EXT1: variants seen among roughly 807,000 people sequenced by gnomAD.
The protein encoded by EXT1 is exostosin glycosyltransferase 1.
In EXT1, 20 loss-of-function variants were observed where a neutral mutation model predicts 82.5. The observed-to-expected ratio is 0.24, with a 90% confidence interval of 0.17 to 0.35. The LOEUF (loss-of-function observed/expected upper bound fraction) is 0.35, where lower values mean the gene tolerates loss of function less well. Ranked by LOEUF, EXT1 falls within the 10% of genes least tolerant of loss-of-function variation. The probability of loss-of-function intolerance (pLI) is 1.00; values close to 1 mark genes in which losing one functional copy is unlikely to be tolerated. For missense variants in EXT1, 757 were observed against 936.5 expected, an observed-to-expected ratio of 0.81 and a Z score of 2.50; for synonymous variants, 348 against 350.8, an observed-to-expected ratio of 0.99 and a Z score of 0.09.
At chr8:118,108,408 C>A (rs1817835898) in intron 1 of EXT1, among the ~76,000 whole-genome samples, 1 of 152,108 alleles carries the variant, frequency 6.6e-6, no homozygotes, top group African/African-American at 2.4e-5. Flanking sequence ...CAAAGAAATT[C>A]CTGAAAGGCT....
intron 3 of EXT1, among the ~76,000 whole-genome samples, chr8:117,832,255 G>A (rs975212018): frequency 2.6e-5 from 4 of 152,132 alleles, no homozygotes; most frequent in Non-Finnish European, 4.4e-5. Flanking sequence ...GGCCGGGCGC[G>A]GTGGCTCAGC....
chr8:118,027,903 A>G (rs1816232667), intron 1 of EXT1, among the ~76,000 whole-genome samples: 1 of 152,184 alleles, frequency 6.6e-6, no homozygotes, highest in South Asian at 2.1e-4. Flanking sequence ...GTTTACAGTT[A>G]TCAACAATAT....
intron 1 of EXT1, among the ~76,000 whole-genome samples, chr8:117,903,687 T>C (rs1358967988): frequency 6.6e-6 from 1 of 152,204 alleles, no homozygotes; most frequent in Non-Finnish European, 1.5e-5. Flanking sequence ...GAGAAATTAG[T>C]CCTACAACAA....
chr8:117,811,960 T>C lies in EXT1; in HGVS notation c.1722+912A>G, dbSNP rs536308661. 5.4e-4 allele frequency among the ~76,000 whole-genome samples: 83 copies of C among 152,318 alleles called. 1 individual carries two copies. The highest frequency in any genetic ancestry group is 1.7e-3 in the African/African-American group (71 of 41,568). On this transcript the variant is annotated intron_variant, in intron 8 of 10. Coordinates refer to ENST00000378204, the MANE Select transcript of EXT1 (RefSeq NM_000127.3). Reference sequence around the variant, plus strand: ...GACACTGAGTTCACCTAGGCCAACATTGAGTCTTGGCTCTGTGGGCAGCAG... The same window carrying C: ...GACACTGAGTTCACCTAGGCCAACACTGAGTCTTGGCTCTGTGGGCAGCAG...
chr8:117,876,089 C>T (rs1342241906), intron 1 of EXT1, among the ~76,000 whole-genome samples: 1 of 152,204 alleles, frequency 6.6e-6, no homozygotes, highest in Non-Finnish European at 1.5e-5. Context: ...AATATTCAGG[C>T]CTTGGCCTAG....
At chr8:118,092,664 C>T (rs563134864) in intron 1 of EXT1, among the ~76,000 whole-genome samples, 4 of 152,138 alleles carry the variant, frequency 2.6e-5, no homozygotes, top group Non-Finnish European at 4.4e-5. Context: ...GGGGGACTTT[C>T]GAAAGTCCCT....
rs534313332 is a variant in EXT1, at chr8:118,101,731, C to T, written c.962+8354G>A. Among the ~76,000 whole-genome samples the T allele has an allele frequency of 1.1e-4, 16 of 152,266 alleles. No homozygotes were observed. In the South Asian group the frequency reaches 2.1e-3, roughly 20 times the overall value. Reference sequence around the variant, plus strand: ...AGCTTCAAAGGCCCCCTGGCAGGACCAATTAACACCTACAAATGTTTATCT... The same window carrying T: ...AGCTTCAAAGGCCCCCTGGCAGGACTAATTAACACCTACAAATGTTTATCT... On this transcript the variant is annotated intron_variant, in intron 1 of 10. Transcript: ENST00000378204.
At chr8:117,973,209 T>A (rs1814976154) in intron 1 of EXT1, among the ~76,000 whole-genome samples, 1 of 152,140 alleles carries the variant, frequency 6.6e-6, no homozygotes, top group Admixed American at 6.5e-5. Flanking sequence ...CATGAAACAA[T>A]AAACTGATGG....
intron 1 of EXT1, among the ~76,000 whole-genome samples, chr8:117,974,590 C>T (rs1292093300): frequency 6.6e-6 from 1 of 152,190 alleles, no homozygotes; most frequent in African/African-American, 2.4e-5. Flanking sequence ...ATCTCAGCCT[C>T]CTAAGTAGCT....
intron 1 of EXT1, among the ~76,000 whole-genome samples, chr8:118,054,956 GTA>G (rs34579101): frequency 6.0e-5 from 9 of 149,658 alleles, no homozygotes; most frequent in Admixed American, 6.7e-5. Flanking sequence ...GTATGTATAT[GTA>G]TATATATATA....
chr8:117,866,184 C>T (rs1057340215), intron 1 of EXT1, among the ~76,000 whole-genome samples: 4 of 152,292 alleles, frequency 2.6e-5, no homozygotes, highest in African/African-American at 7.2e-5. Context: ...GAGATTGCGG[C>T]ACTGCACTCC....
intron 10 of EXT1, among the ~76,000 whole-genome samples, chr8:117,804,462 T>C (rs997090593): frequency 6.6e-6 from 1 of 152,246 alleles, no homozygotes; most frequent in African/African-American, 2.4e-5. Flanking sequence ...AGACAAACTC[T>C]AAAGACATAT....
chr8:117,879,611 T>C (rs992473446), intron 1 of EXT1, among the ~76,000 whole-genome samples: 2 of 152,182 alleles, frequency 1.3e-5, no homozygotes, highest in Admixed American at 6.5e-5. Context: ...TAGATGAAAT[T>C]AGAATACAGG....
At position 117,794,536 on chromosome 8, in the gene EXT1, T is replaced by C. The variant is rs1763913600; in HGVS notation, c.*5176A>G. The C allele has an allele frequency of 6.6e-6, 1 of 152,080 alleles. No homozygotes were observed. Among genetic ancestry groups the C allele is most frequent in the African/African-American group, 2.4e-5 (1 of 41,404 alleles). The allele number at this position is 152,080 out of a possible 1,614,324, so 9.4% of individuals were successfully genotyped here. The stretch of plus-strand genomic sequence containing the variant: ...AATAATTTCTTTTTTTTTTCTTCTA[T>C]AAATTGGAAGGAAAAAGTCTTTGGT... On this transcript the variant is annotated 3_prime_UTR_variant, in exon 11 of 11. Coordinates refer to ENST00000378204, the MANE Select transcript of EXT1 (RefSeq NM_000127.3).
chr8:117,972,169 A>G (rs1814955721), intron 1 of EXT1, among the ~76,000 whole-genome samples: 1 of 151,908 alleles, frequency 6.6e-6, no homozygotes, highest in African/African-American at 2.4e-5. Flanking sequence ...AAAAGAAAGA[A>G]AGAAAAAAAA....
chr8:118,023,834 C>G (rs553098761), intron 1 of EXT1, among the ~76,000 whole-genome samples: 57 of 152,370 alleles, frequency 3.7e-4, no homozygotes, highest in African/African-American at 1.3e-3. Flanking sequence ...TACAGAGCCG[C>G]TCATTAACGA....
chr8:118,024,629 A>G (rs577571605), intron 1 of EXT1, among the ~76,000 whole-genome samples: 3 of 152,232 alleles, frequency 2.0e-5, no homozygotes, highest in Non-Finnish European at 4.4e-5. Flanking sequence ...GGAACTTACA[A>G]ACTGTGCTAA....
At chr8:117,948,280 G>A (rs979939433) in intron 1 of EXT1, among the ~76,000 whole-genome samples, 2 of 135,396 alleles carry the variant, frequency 1.5e-5, no homozygotes, top group Non-Finnish European at 3.0e-5. Context: ...CATGCACAGC[G>A]AGGTGAGAGG....
chr8:117,865,080 T>C (rs1456465071), intron 1 of EXT1, among the ~76,000 whole-genome samples: 2 of 152,194 alleles, frequency 1.3e-5, no homozygotes, highest in Non-Finnish European at 2.9e-5. Context: ...ACTGACTCCA[T>C]ACAAACACTT....
Sources: gnomAD v4.1 joint callset for allele counts (sites outside exome capture counted in the v4.1 genomes callset) on GRCh38, gnomAD v4.1.1 for gene constraint, MANE v1.5 for transcripts, NCBI Gene and HGNC (gene_info 2026-07-23, HGNC 2026-07-21) for gene names.